Variants in ICAM1 observed in about 807,000 individuals in gnomAD.
The protein encoded by ICAM1 is ICAM-1.
Under a neutral mutation model 42.3 loss-of-function variants are expected in ICAM1, and 28 were observed. The observed-to-expected ratio is 0.66, with a 90% CI of 0.49 to 0.91. ICAM1 has a LOEUF of 0.91. ICAM1 is among the 40% of genes least tolerant of loss of function. ICAM1 has a pLI of 0.00. For missense variants in ICAM1, 637 were observed against 688.6 expected, an observed-to-expected ratio of 0.93 and a Z score of 0.84; for synonymous variants, 304 against 305.9, an observed-to-expected ratio of 0.99 and a Z score of 0.07.
At chr19:10,271,298 C>T (rs2039978633) in intron 1 of ICAM1, 72 bp downstream of exon 1, 1 of 1,355,494 alleles carries the variant, frequency 7.4e-7, no homozygotes, top group African/African-American at 1.4e-5. Flanking sequence ...CGGGTCAGGT[C>T]ATGCATGCTT....
rs1374649868 is a variant in ICAM1 at position 10,274,961 on chromosome 19, C to G, written c.264C>G (p.Ser88Arg). The stretch of plus-strand genomic sequence containing the variant: ...AACTGAGCAATGTGCAAGAAGATAG[C>G]CAACCAATGTGCTATTCAAACTGCC... ...VYELSNVQEDSQPMCYSNCPD... is the reference protein window; with the variant it reads ...VYELSNVQEDRQPMCYSNCPD... Residue 88 changes from serine (S) to arginine (R), a missense_variant, in exon 2 of 7, where the codon AGC becomes AGG. Coordinates refer to ENST00000264832, the MANE Select transcript of ICAM1 (RefSeq NM_000201.3). The G allele has an allele frequency of 6.2e-7, 1 of 1,614,066 alleles. No homozygotes were observed. Among genetic ancestry groups the G allele is most frequent in the Non-Finnish European group, 8.5e-7 (1 of 1,180,034 alleles).
intron 1 of ICAM1, among the ~76,000 whole-genome samples, chr19:10,273,780 G>T (rs1188060064): frequency 6.6e-6 from 1 of 152,120 alleles, no homozygotes; most frequent in Non-Finnish European, 1.5e-5. Context: ...TTGGGAGGCT[G>T]AGGCGGGCGG....
chr19:10,274,312 A>AT (rs34542691), intron 1 of ICAM1, among the ~76,000 whole-genome samples: 7,346 of 134,888 alleles, frequency 0.054, 707 homozygotes, highest in African/African-American at 0.18. Context: ...TTTGCTCATA[A>AT]TTTTTTTTTT....
rs764794802 is a variant in ICAM1, at chr19:10,284,414, C to A, written c.937C>A (p.Pro313Thr). Residue 313 changes from proline (P) to threonine (T), a missense_variant, in exon 5 of 7, where the codon CCC becomes ACC. Pro to Thr is a conservative substitution (Grantham distance 38, BLOSUM62 -1). Coordinates refer to ENST00000264832, the MANE Select transcript of ICAM1 (RefSeq NM_000201.3). This position sits in a 1 kb window ranked among gnomAD's most constrained non-coding sequence, Gnocchi z 5.4. ...QTVTIYSFPA[P>T]NVILTKPEVS... ...TGTGCCTATTCCAGGCTTTCCGGCG[C>A]CCAACGTGATTCTGACGAAGCCAGA... The A allele has an allele frequency of 4.0e-5, 65 of 1,613,132 alleles. No homozygotes were observed. The highest frequency in any genetic ancestry group is 5.3e-5 in the Non-Finnish European group (62 of 1,179,994).
chr19:10,275,230 G>C (rs548507014), intron 2 of ICAM1, among the ~76,000 whole-genome samples: 3 of 152,176 alleles, frequency 2.0e-5, no homozygotes, highest in Admixed American at 6.5e-5. Context: ...GGCTGGGTGC[G>C]GTGGCTCATG....
At chr19:10,281,050 T>C (rs2145496145) in intron 2 of ICAM1, among the ~76,000 whole-genome samples, 1 of 151,546 alleles carries the variant, frequency 6.6e-6, no homozygotes, top group South Asian at 2.1e-4. Context: ...ATTTTTTGTA[T>C]TTTTAGTAGA....
At chr19:10,282,448 C>T (rs1450346136) in intron 2 of ICAM1, 1 of 152,148 alleles carries the variant, frequency 6.6e-6, no homozygotes, top group Non-Finnish European at 1.5e-5. Flanking sequence ...GGGTTTCACT[C>T]TGTTGGTCAG....
chr19:10,271,176 C>T lies in ICAM1; in HGVS notation c.17C>T (p.Pro6Leu). 1 of 1,613,156 alleles carries T rather than the reference C, an allele frequency of 6.2e-7. No homozygotes were observed. Among genetic ancestry groups the T allele is most frequent in the Non-Finnish European group, 8.5e-7 (1 of 1,179,816 alleles). Residue 6 changes from proline (P) to leucine (L), a missense_variant, in exon 1 of 7, where the codon CCC becomes CTC. Physicochemically the swap from Pro to Leu is moderately conservative, Grantham distance 98. Coordinates refer to ENST00000264832, the MANE Select transcript of ICAM1 (RefSeq NM_000201.3). ...AGCCTCGCTATGGCTCCCAGCAGCC[C>T]CCGGCCCGCGCTGCCCGCACTCCTG... is the stretch of plus-strand genomic sequence containing the variant. MAPSS[P>L]RPALPALLVL... is the part of the protein sequence containing the mutation.
At chr19:10,274,688 C>G in intron 1 of ICAM1, 77 bp from the exon 2 acceptor site, 1 of 1,515,870 alleles carries the variant, frequency 6.6e-7, no homozygotes, top group Non-Finnish European at 9.0e-7. Flanking sequence ...CCTCCAGCAC[C>G]CAGCACAGGC....
chr19:10,281,261 G>A (rs909840269), intron 2 of ICAM1, among the ~76,000 whole-genome samples: 2 of 151,288 alleles, frequency 1.3e-5, no homozygotes, highest in Non-Finnish European at 2.9e-5. Flanking sequence ...AAGCCACCAC[G>A]CCATGCCGAA....
chr19:10,275,705 C>CT (rs568025125), intron 2 of ICAM1, among the ~76,000 whole-genome samples: 8,073 of 109,290 alleles, frequency 0.074, 1,043 homozygotes, highest in African/African-American at 0.26. Flanking sequence ...CTGTTTCTTT[C>CT]TTTTTTTTTT....
At chr19:10,272,446 A>G (rs1362396332) in intron 1 of ICAM1, among the ~76,000 whole-genome samples, 1 of 152,036 alleles carries the variant, frequency 6.6e-6, no homozygotes, top group Non-Finnish European at 1.5e-5. Flanking sequence ...CAAATCTGAG[A>G]CAGGAATCTT....
At chr19:10,277,687 C>T (rs914379061) in intron 2 of ICAM1, among the ~76,000 whole-genome samples, 1 of 151,868 alleles carries the variant, frequency 6.6e-6, no homozygotes, top group Non-Finnish European at 1.5e-5. Flanking sequence ...GGGATTTCAT[C>T]ATGTTGGCCA....
At chr19:10,277,870 GAAAAC>G (rs1446815830) in intron 2 of ICAM1, among the ~76,000 whole-genome samples, 3 of 152,276 alleles carry the variant, frequency 2.0e-5, no homozygotes, top group East Asian at 1.9e-4. Context: ...GAATTCAAAT[GAAAAC>G]AAAACAAAAT....
Position 10,283,667 on chromosome 19 carries a change from T to A in ICAM1, c.518T>A (p.Val173Glu). The A allele has an allele frequency of 2.5e-6, 4 of 1,613,950 alleles. No homozygotes were observed. The highest frequency in any genetic ancestry group is 2.5e-6 in the Non-Finnish European group (3 of 1,179,938). ...VGEPAEVTTT[V>E]LVRRDHHGAN... The stretch of plus-strand genomic sequence containing the variant: ...GAGCCCGCTGAGGTCACGACCACGG[T>A]GCTGGTGAGGAGAGATCACCATGGA... The change falls in exon 3 of 7, where the codon GTG (valine) becomes GAG (glutamate). Residue 173 changes from valine (V) to glutamate (E), a missense_variant. Transcript: ENST00000264832.
At chr19:10,279,977 G>A (rs949511716) in intron 2 of ICAM1, among the ~76,000 whole-genome samples, 1 of 152,174 alleles carries the variant, frequency 6.6e-6, no homozygotes, top group African/African-American at 2.4e-5. Context: ...AGTCATGGAG[G>A]GTTTCTGAGC....
chr19:10,284,410 G>T lies in ICAM1; in HGVS notation c.933G>T (p.Pro311=), dbSNP rs146954887. Residue 311 remains proline (P), a synonymous_variant, in exon 5 of 7, where the codon CCG becomes CCT. Coordinates refer to ENST00000264832, the MANE Select transcript of ICAM1 (RefSeq NM_000201.3). The surrounding 1 kb of genome is among the most constrained non-coding windows in gnomAD (Gnocchi z 5.4). ...ACTGTGTGCCTATTCCAGGCTTTCC[G>T]GCGCCCAACGTGATTCTGACGAAGC... ...TLQTVTIYSF[P]APNVILTKPE... 1.2e-6 allele frequency: 2 copies of T among 1,613,100 alleles called. No individual in the cohort carries two copies. The highest frequency in any genetic ancestry group is 2.2e-5 in the South Asian group (2 of 91,084).
rs1380843883 is a variant in ICAM1, at chr19:10,286,535, T to TC, written c.*1248_*1249insC. 1 of 157,342 alleles carries TC rather than the reference T, an allele frequency of 6.4e-6. No homozygotes were observed. Among genetic ancestry groups the TC allele is most frequent in the Non-Finnish European group, 1.4e-5 (1 of 71,592 alleles). The allele number at this position is 157,342 out of a possible 1,614,324, so 9.7% of individuals were successfully genotyped here. ...AACACCACACCTGGCAAATTTGATT[T>TC]TTTTTTTTTTTCCAGAGACGGGGTC... is the stretch of plus-strand genomic sequence containing the variant. On this transcript the variant is annotated 3_prime_UTR_variant, in exon 7 of 7. Transcript: ENST00000264832.
In ICAM1 at chr19:10,283,764, C is replaced by A; in HGVS notation, c.615C>A (p.Ala205=). 1 of 1,608,952 alleles carries A rather than the reference C, an allele frequency of 6.2e-7. No homozygotes were observed. Among genetic ancestry groups the A allele is most frequent in the Non-Finnish European group, 8.5e-7 (1 of 1,177,498 alleles). ...TGGAGCTGTTTGAGAACACCTCGGCCCCCTACCAGCTCCAGACCTTTGGTG... is the reference window on the plus strand; with the variant it reads ...TGGAGCTGTTTGAGAACACCTCGGCACCCTACCAGCTCCAGACCTTTGGTG... The part of the protein sequence containing the change: ...QGLELFENTS[A]PYQLQTFVLP... Residue 205 remains alanine (A), a synonymous_variant, in exon 3 of 7, where the codon GCC becomes GCA. Transcript: ENST00000264832.
Sources: gnomAD v4.1 joint callset for allele counts (sites outside exome capture counted in the v4.1 genomes callset) on GRCh38, gnomAD v4.1.1 for gene constraint, Gnocchi (gnomAD v3.1) non-coding constraint, MANE v1.5 for transcripts, NCBI Gene and HGNC (gene_info 2026-07-23, HGNC 2026-07-21) for gene names.